The following PTCSC3 variants were observed in gnomAD, a reference collection of about 807,000 sequenced individuals.
The protein encoded by PTCSC3 is papillary thyroid carcinoma susceptibility candidate 3 (non-protein coding).
At chr14:36,171,237 A>G (rs1246435987) in intron 1 of PTCSC3, among the ~76,000 whole-genome samples, 2 of 152,088 alleles carry the variant, frequency 1.3e-5, no homozygotes. Flanking sequence ...TCCAATGCTG[A>G]GGTCTAATGG....
chr14:36,148,496 G>T (rs1881644072), intron 3 of PTCSC3, among the ~76,000 whole-genome samples: 1 of 152,226 alleles, frequency 6.6e-6, no homozygotes, highest in Non-Finnish European at 1.5e-5. Context: ...CTTCCCAAGT[G>T]ATGCAATGCC....
At chr14:36,150,442 A>G (rs1881694759) in intron 3 of PTCSC3, among the ~76,000 whole-genome samples, 2 of 152,216 alleles carry the variant, frequency 1.3e-5, no homozygotes, top group Admixed American at 6.5e-5. Context: ...TTGATTGTGG[A>G]CTTCCCAGAC....
intron 2 of PTCSC3, among the ~76,000 whole-genome samples, chr14:36,159,008 C>G (rs1037910338): frequency 7.2e-5 from 11 of 152,002 alleles, no homozygotes; most frequent in African/African-American, 2.7e-4. Flanking sequence ...AGGAATTTAT[C>G]CATTTCTTCT....
Position 36,147,967 on chromosome 14 carries a change from G to A in PTCSC3, n.322+5837C>T, listed in dbSNP as rs1355621643. On this transcript the variant is annotated intron_variant and non_coding_transcript_variant, in intron 3 of 3. Coordinates refer to ENST00000556013, the Ensembl canonical transcript of PTCSC3. ...CTGCTCGGGGGGTGCCTCCCAGTTA[G>A]ACTGCTCGGGGGTCAGGGGTCAGGG... Among the ~76,000 whole-genome samples the A allele has an allele frequency of 2.6e-5, 4 of 152,236 alleles. No homozygotes were observed. The South Asian group carries it at 8.3e-4, about 32-fold the overall frequency.
At chr14:36,157,192 C>T (rs181287720) in intron 2 of PTCSC3, among the ~76,000 whole-genome samples, 179 of 152,172 alleles carry the variant, frequency 1.2e-3, no homozygotes, top group African/African-American at 4.0e-3. Flanking sequence ...TCATGTTTTT[C>T]GGCTGCATAA....
chr14:36,150,412 A>C (rs1813005094), intron 3 of PTCSC3, among the ~76,000 whole-genome samples: 2 of 152,172 alleles, frequency 1.3e-5, no homozygotes, highest in Non-Finnish European at 2.9e-5. Context: ...CTCGCACCAG[A>C]TATTGAATCT....
chr14:36,157,881 A>G (rs1007344904), intron 2 of PTCSC3, among the ~76,000 whole-genome samples: 62 of 151,856 alleles, frequency 4.1e-4, no homozygotes, highest in African/African-American at 1.5e-3. Flanking sequence ...GATTCTTCCT[A>G]TCCATGAGCA....
chr14:36,162,258 G>A (rs1368333897), intron 2 of PTCSC3, among the ~76,000 whole-genome samples: 25 of 106,532 alleles, frequency 2.3e-4, no homozygotes, highest in African/African-American at 4.3e-4. Flanking sequence ...CTGGGGTATG[G>A]AAAAAAAAAA....
intron 2 of PTCSC3, among the ~76,000 whole-genome samples, chr14:36,157,981 T>C (rs187404389): frequency 1.9e-3 from 283 of 152,348 alleles, no homozygotes; most frequent in African/African-American, 6.4e-3. Flanking sequence ...ACATCCCTTG[T>C]AAGTTGGATT....
At chr14:36,168,744 T>C (rs1882141406) in intron 1 of PTCSC3, among the ~76,000 whole-genome samples, 1 of 152,038 alleles carries the variant, frequency 6.6e-6, no homozygotes, top group South Asian at 2.1e-4. Flanking sequence ...GCCTCCCAAA[T>C]AGCTGGAACT....
intron 1 of PTCSC3, among the ~76,000 whole-genome samples, chr14:36,172,469 G>A (rs1388010875): frequency 6.6e-6 from 1 of 151,992 alleles, no homozygotes; most frequent in South Asian, 2.1e-4. Context: ...ATAAAAATAT[G>A]TAAATAACTC....
chr14:36,156,211 G>T (rs1881822228), intron 2 of PTCSC3, among the ~76,000 whole-genome samples: 1 of 152,158 alleles, frequency 6.6e-6, no homozygotes, highest in South Asian at 2.1e-4. Flanking sequence ...TCTACCTTTG[G>T]TGGTTGTTTT....
At chr14:36,156,139 G>T (rs1881820634) in intron 2 of PTCSC3, among the ~76,000 whole-genome samples, 1 of 152,160 alleles carries the variant, frequency 6.6e-6, no homozygotes, top group African/African-American at 2.4e-5. Context: ...GTTCTGCCTG[G>T]TAAGTTTTTG....
intron 3 of PTCSC3, among the ~76,000 whole-genome samples, chr14:36,146,855 C>G (rs1469347909): frequency 2.0e-5 from 3 of 152,196 alleles, no homozygotes; most frequent in South Asian, 4.2e-4. Context: ...TAGGGCAGGC[C>G]TGGTGGTGAC....
In PTCSC3 at chr14:36,154,740, G is replaced by C. The variant is rs73256170; in HGVS notation, n.232-846C>G. On this transcript the variant is annotated intron_variant and non_coding_transcript_variant, in intron 2 of 3. Coordinates refer to ENST00000556013, the Ensembl canonical transcript of PTCSC3. The stretch of plus-strand genomic sequence containing the variant: ...TCTCTCTTTCCTCTTTCTCTCTCTG[G>C]GGGAGGGGCAAGGAGCTGGGGAAGT... 5.7e-3 allele frequency among the ~76,000 whole-genome samples: 874 copies of C among 152,242 alleles called. 5 individuals carry two copies. Among genetic ancestry groups the C allele is most frequent in the African/African-American group, 0.02 (830 of 41,538 alleles).
downstream of PTCSC3, among the ~76,000 whole-genome samples, chr14:36,135,477 G>T (rs988899037): frequency 1.3e-5 from 2 of 152,108 alleles, no homozygotes; most frequent in African/African-American, 4.8e-5. Context: ...CCACAGTTTT[G>T]CAGCCTCTTT....
intron 1 of PTCSC3, among the ~76,000 whole-genome samples, chr14:36,163,438 A>G (rs539868886): frequency 6.6e-6 from 1 of 152,270 alleles, no homozygotes; most frequent in African/African-American, 2.4e-5. Context: ...AAAAAAGAAC[A>G]AAGAAATACA....
chr14:36,170,801 T>C (rs570583751), intron 1 of PTCSC3, among the ~76,000 whole-genome samples: 9 of 152,134 alleles, frequency 5.9e-5, no homozygotes, highest in Non-Finnish European at 1.0e-4. Context: ...TTTTAGACAG[T>C]TCCTTCTGAG....
downstream of PTCSC3, among the ~76,000 whole-genome samples, chr14:36,135,455 T>C (rs1456678774): frequency 2.6e-5 from 4 of 152,192 alleles, no homozygotes. Context: ...TTTGGCTTCA[T>C]GTTCTAATAT....
Sources: gnomAD v4.1 joint callset for allele counts (sites outside exome capture counted in the v4.1 genomes callset) on GRCh38, gnomAD v4.1.1 for gene constraint, MANE v1.5 for transcripts, NCBI Gene and HGNC (gene_info 2026-07-23, HGNC 2026-07-21) for gene names.